Variants in CRYBG3 observed in about 807,000 individuals in gnomAD.
CRYBG3 encodes crystallin beta-gamma domain containing 3.
In CRYBG3, 127 loss-of-function variants were observed where a neutral mutation model predicts 244.2. The observed-to-expected ratio is 0.52, with a 90% CI of 0.45 to 0.60. CRYBG3 has a LOEUF of 0.60. CRYBG3 is among the 20% of genes least tolerant of loss of function. CRYBG3 has a pLI of 0.00. For missense variants in CRYBG3, 3,325 were observed against 3,442.5 expected (o/e 0.97, Z 0.85); for synonymous variants, 1,132 against 1,195.8 (o/e 0.95, Z 1.10).
intron 17 of CRYBG3, among the ~76,000 whole-genome samples, chr3:97,915,965 A>G (rs2108253413): frequency 6.6e-6 from 1 of 152,338 alleles, no homozygotes; most frequent in Non-Finnish European, 1.5e-5. Context: ...CTCAAGAACT[A>G]GAATAATGTA....
In CRYBG3 at chr3:97,876,245, C is replaced by T. The variant is rs577134289; in HGVS notation, c.5051C>T (p.Thr1684Met). 1.3e-4 allele frequency: 160 copies of T among 1,231,582 alleles called. No homozygotes were observed. Among genetic ancestry groups the T allele is most frequent in the Non-Finnish European group, 1.5e-4 (148 of 987,842 alleles). 76.3% of individuals were successfully genotyped at this position (1,231,582 alleles called of 1,614,324 possible). ...HAEGDIGKTG[T>M]IALSEVENIH... is the part of the protein sequence containing the mutation. ...GAAGGGGATATTGGCAAGACTGGGA[C>T]GATAGCCTTGTCAGAAGTGGAAAAT... The change falls in exon 4 of 22, where the codon ACG (threonine) becomes ATG (methionine). Residue 1684 changes from threonine (T) to methionine (M), a missense_variant. By Grantham distance (81) the Thr-to-Met change is moderately conservative (BLOSUM62 -1). Transcript: ENST00000389622.
At chr3:97,928,404 G>A (rs1243667278) in intron 17 of CRYBG3, among the ~76,000 whole-genome samples, 1 of 151,932 alleles carries the variant, frequency 6.6e-6, no homozygotes, top group Non-Finnish European at 1.5e-5. Flanking sequence ...GGGCCTGCTT[G>A]AGCAGAGAGG....
In CRYBG3 at chr3:97,872,418, A is replaced by G; in HGVS notation, c.1224A>G (p.Ile408Met). The part of the protein sequence containing the change: ...FQRVTTTENT[I>M]KENSTVMSNR... ...GAGTAACTACAACAGAAAATACGAT[A>G]AAAGAAAACAGCACTGTGATGAGTA... is the stretch of plus-strand genomic sequence containing the variant. The change falls in exon 4 of 22, where the codon ATA becomes ATG. Residue 408 changes from isoleucine (I) to methionine (M), a missense_variant. Transcript: ENST00000389622. 6.5e-7 allele frequency: 1 copy of G among 1,535,872 alleles called. No individual in the cohort carries two copies. The highest frequency in any genetic ancestry group is 8.7e-7 in the Non-Finnish European group (1 of 1,146,792).
At chr3:97,851,334 G>A (rs1318506582) in intron 2 of CRYBG3, among the ~76,000 whole-genome samples, 2 of 152,034 alleles carry the variant, frequency 1.3e-5, no homozygotes, top group African/African-American at 4.8e-5. Flanking sequence ...ATAAGGAGTG[G>A]GTTTTAGTTT....
intron 2 of CRYBG3, among the ~76,000 whole-genome samples, chr3:97,858,754 G>C (rs1048135545): frequency 1.3e-5 from 2 of 151,454 alleles, no homozygotes; most frequent in Non-Finnish European, 2.9e-5. Flanking sequence ...GTATTTTTTC[G>C]TATCTTGCTG....
chr3:97,943,082 A>C (rs1338792321), intron 21 of CRYBG3, 144 bp from the exon 22 acceptor site: 2 of 603,364 alleles, frequency 3.3e-6, no homozygotes, highest in Non-Finnish European at 5.8e-6. Context: ...AGCCTGTTCA[A>C]ACTCAGCTTC....
At chr3:97,902,510 G>A (rs1237012808) in intron 15 of CRYBG3, among the ~76,000 whole-genome samples, 1 of 150,766 alleles carries the variant, frequency 6.6e-6, no homozygotes, top group Non-Finnish European at 1.5e-5. Context: ...AAAAAAGCGG[G>A]ATACATGTAC....
intron 7 of CRYBG3, among the ~76,000 whole-genome samples, chr3:97,884,855 A>G (rs956893344): frequency 2.0e-5 from 3 of 152,074 alleles, no homozygotes; most frequent in Non-Finnish European, 4.4e-5. Context: ...CACTTTTGCT[A>G]TTATACTGTT....
chr3:97,887,768 A>T (rs1576545205), intron 8 of CRYBG3, among the ~76,000 whole-genome samples: 1 of 152,114 alleles, frequency 6.6e-6, no homozygotes, highest in Non-Finnish European at 1.5e-5. Context: ...AGAAAAAACA[A>T]CAAAAACAAA....
intron 2 of CRYBG3, among the ~76,000 whole-genome samples, chr3:97,851,099 C>T (rs1293521911): frequency 6.7e-6 from 1 of 148,856 alleles, no homozygotes; most frequent in Non-Finnish European, 1.5e-5. Flanking sequence ...CACCACTGCA[C>T]TCCAGCCTGG....
At chr3:97,863,988 TC>T (rs2039188447) in intron 2 of CRYBG3, among the ~76,000 whole-genome samples, 1 of 152,254 alleles carries the variant, frequency 6.6e-6, no homozygotes, top group South Asian at 2.1e-4. Flanking sequence ...TGCTCTGGGC[TC>T]CCATGTGTGC....
At chr3:97,883,192 G>A (rs1315832690) in intron 7 of CRYBG3, among the ~76,000 whole-genome samples, 1 of 152,160 alleles carries the variant, frequency 6.6e-6, no homozygotes, top group African/African-American at 2.4e-5. Flanking sequence ...GTGAGCTTTG[G>A]TGGCCTAGTA....
intron 3 of CRYBG3, among the ~76,000 whole-genome samples, chr3:97,868,870 G>C (rs2039268019): frequency 6.6e-6 from 1 of 152,192 alleles, no homozygotes; most frequent in East Asian, 1.9e-4. Flanking sequence ...ATGAATTTCT[G>C]ATCCTTTTCT....
At chr3:97,865,256 T>C (rs2039212004) in intron 3 of CRYBG3, among the ~76,000 whole-genome samples, 1 of 152,202 alleles carries the variant, frequency 6.6e-6, no homozygotes, top group South Asian at 2.1e-4. Flanking sequence ...TTGAGTCCAT[T>C]CAATATTTTG....
At chr3:97,884,926 C>T (rs1348924627) in intron 7 of CRYBG3, among the ~76,000 whole-genome samples, 1 of 152,040 alleles carries the variant, frequency 6.6e-6, no homozygotes, top group African/African-American at 2.4e-5. Flanking sequence ...AGTACACCAC[C>T]CAAACATTGT....
At chr3:97,880,292 C>G (rs993387253) in intron 6 of CRYBG3, among the ~76,000 whole-genome samples, 192 bp downstream of exon 6, 1 of 152,020 alleles carries the variant, frequency 6.6e-6, no homozygotes, top group Admixed American at 6.6e-5. Context: ...GCATAAAATA[C>G]AATCTGTTTT....
rs567935460 is a variant in CRYBG3, at chr3:97,835,719, G to T, written c.150-7476G>T. ...TACAGAGGAGGAAGGATTTCAGTTG[G>T]GGGGGAGGTCAGCCAAGGTCAGATT... is the stretch of plus-strand genomic sequence containing the variant. On this transcript the variant is annotated intron_variant, in intron 1 of 21. Coordinates refer to ENST00000389622, the MANE Select transcript of CRYBG3 (RefSeq NM_153605.4). 9.2e-5 allele frequency among the ~76,000 whole-genome samples: 14 copies of T among 152,210 alleles called. No homozygotes were observed. The South Asian group carries it at 1.5e-3, about 16-fold the overall frequency.
At chr3:97,915,192 G>A (rs553933623) in intron 16 of CRYBG3, among the ~76,000 whole-genome samples, 1 of 152,230 alleles carries the variant, frequency 6.6e-6, no homozygotes, top group Non-Finnish European at 1.5e-5. Context: ...TCTAATCCCA[G>A]AGTGCTATAC....
At chr3:97,913,669 A>G (rs902701132) in intron 16 of CRYBG3, among the ~76,000 whole-genome samples, 3 of 152,154 alleles carry the variant, frequency 2.0e-5, no homozygotes, top group African/African-American at 7.2e-5. Flanking sequence ...CACATGCTGT[A>G]GTTTGCTGAC....
Sources: gnomAD v4.1 joint callset for allele counts (sites outside exome capture counted in the v4.1 genomes callset) on GRCh38, gnomAD v4.1.1 for gene constraint, MANE v1.5 for transcripts, NCBI Gene and HGNC (gene_info 2026-07-23, HGNC 2026-07-21) for gene names.